Variants in PCNT observed in about 807,000 individuals in gnomAD.
PCNT encodes the protein pericentrin, also known as kendrin.
A neutral mutation model predicts 380.4 loss-of-function variants in PCNT; 319 were observed. That is an observed-to-expected ratio of 0.84 (90% confidence interval 0.77 to 0.92). PCNT has a LOEUF of 0.92. Among genes scored for constraint, PCNT ranks in the 40% least tolerant of loss-of-function variants. The pLI, the probability that PCNT is intolerant of heterozygous loss-of-function variation, is 0.00. For missense variants in PCNT, 4,400 were observed against 4,255.3 expected (o/e 1.03, Z -0.95); for synonymous variants, 1,845 against 1,735.2 (o/e 1.06, Z -1.57).
intron 30 of PCNT, among the ~76,000 whole-genome samples, chr21:46,417,208 T>TG: frequency 8.0e-6 from 1 of 125,746 alleles, no homozygotes; most frequent in Non-Finnish European, 1.6e-5. Context: ...TTTTTTTTTT[T>TG]TGTGAGATGG....
chr21:46,365,030 G>C (rs2084850165), intron 14 of PCNT, among the ~76,000 whole-genome samples: 1 of 152,254 alleles, frequency 6.6e-6, no homozygotes, highest in African/African-American at 2.4e-5. Context: ...GATGGGAGCA[G>C]GTCCTTCTGT....
At chr21:46,418,352 C>T in intron 31 of PCNT, 46 bp downstream of exon 31, 1 of 1,131,002 alleles carries the variant, frequency 8.8e-7, no homozygotes, top group South Asian at 1.3e-5. Context: ...TCAGTGGTTT[C>T]CTAGCACAGA....
At position 46,413,479 on chromosome 21, in the gene PCNT, G is replaced by A. The variant is rs1261612373; in HGVS notation, c.6150+487G>A. 2.6e-5 allele frequency among the ~76,000 whole-genome samples: 4 copies of A among 152,234 alleles called. No individual in the cohort carries two copies. In the East Asian group the frequency reaches 5.8e-4, roughly 22 times the overall value. ...GCACAGTCCGTGCCTGCAGTGACATGTTCTCTGAATCCTTTCTGTTCTGTA... is the reference window on the plus strand; with the variant it reads ...GCACAGTCCGTGCCTGCAGTGACATATTCTCTGAATCCTTTCTGTTCTGTA... On this transcript the variant is annotated intron_variant, in intron 29 of 46. Transcript: ENST00000359568.
At chr21:46,334,863 C>A in intron 3 of PCNT, 95 bp downstream of exon 3, 1 of 1,570,484 alleles carries the variant, frequency 6.4e-7, no homozygotes, top group East Asian at 2.3e-5. Flanking sequence ...TCCATCTCTG[C>A]AGGGCCTCTC....
Position 46,401,669 on chromosome 21 carries a change from C to T in PCNT, c.4910C>T (p.Pro1637Leu), listed in dbSNP as rs34849154. The T allele has an allele frequency of 1.2e-3, 2,014 of 1,613,926 alleles. 30 individuals are homozygous for T. In the African/African-American group the frequency reaches 0.024, roughly 19 times the overall value. ...CCTTCGGGCAGCCCTCCTGAGGGTC[C>T]AGAAATACAGTTAGAGGTGACACAG... ...EPPSGSPPEG[P>L]EIQLEVTQRA... Residue 1637 changes from proline (P) to leucine (L), a missense_variant, in exon 26 of 47, where the codon CCA (proline) becomes CTA (leucine). By Grantham distance (98) the Pro-to-Leu change is moderately conservative (BLOSUM62 -3). Transcript: ENST00000359568.
rs1388963712 is a variant in PCNT at position 46,384,220 on chromosome 21, G to A, written c.3313-1612G>A. 2.0e-4 allele frequency among the ~76,000 whole-genome samples: 17 copies of A among 85,948 alleles called. 1 individual carries two copies. The East Asian group carries it at 2.1e-3, about 11-fold the overall frequency. 56.4% of individuals were successfully genotyped at this position (85,948 alleles called of 152,430 possible). ...CGTTCAGTGGCAGAAGCGCATTCAC[G>A]GTGTTGTGCGTTCAGTGGCGGAAGC... On this transcript the variant is annotated intron_variant, in intron 16 of 46. Transcript: ENST00000359568.
In PCNT at chr21:46,411,824, C is replaced by G. The variant is rs777375146; in HGVS notation, c.5751C>G (p.Pro1917=). 6.4e-7 allele frequency: 1 copy of G among 1,573,684 alleles called. No individual in the cohort carries two copies. ...CCCTGGCAGCCGGGGCGGCGCCTCC[C>G]GAGCTGCAGTGGCTCCGAGCGCAGT... ...QQPLAAGAAP[P]ELQWLRAQCA... The change falls in exon 28 of 47, where the codon CCC becomes CCG. Residue 1917 remains proline (P), a synonymous_variant. Transcript: ENST00000359568.
At chr21:46,345,997 C>T (rs555930240) in intron 3 of PCNT, 131 bp from the exon 4 acceptor site, 42 of 839,892 alleles carry the variant, frequency 5.0e-5, no homozygotes, top group African/African-American at 4.7e-4. Flanking sequence ...ACCTTCTGGC[C>T]GTTGCGAGTG....
At chr21:46,378,163 C>A (rs1423914378) in intron 15 of PCNT, among the ~76,000 whole-genome samples, 4 of 151,854 alleles carry the variant, frequency 2.6e-5, no homozygotes, top group Admixed American at 2.0e-4. Context: ...CGCCCCTTAC[C>A]CACAGGGGAT....
Position 46,421,952 on chromosome 21 carries a change from A to G in PCNT, c.7025-18A>G, listed in dbSNP as rs1212391080. On this transcript the variant is annotated intron_variant, in intron 31 of 46. Coordinates refer to ENST00000359568, the MANE Select transcript of PCNT (RefSeq NM_006031.6). ...CTGGAGAGCTGTGGGTGGGACCCTGACCCTGTGGTGTTTTTAGGTGACGGC... is the reference window on the plus strand; with the variant it reads ...CTGGAGAGCTGTGGGTGGGACCCTGGCCCTGTGGTGTTTTTAGGTGACGGC... 1 of 1,613,576 alleles carries G rather than the reference A, an allele frequency of 6.2e-7. No individual in the cohort carries two copies. The highest frequency in any genetic ancestry group is 8.5e-7 in the Non-Finnish European group (1 of 1,179,614).
intron 4 of PCNT, 80 bp downstream of exon 4, chr21:46,346,288 T>TGGGGGGG: frequency 3.7e-6 from 2 of 540,914 alleles, no homozygotes; most frequent in Non-Finnish European, 7.2e-6. Context: ...CGGGTGGGGG[T>TGGGGGGG]GGGGTGGGCG....
At chr21:46,419,864 C>A (rs1290923323) in intron 31 of PCNT, among the ~76,000 whole-genome samples, 1 of 152,234 alleles carries the variant, frequency 6.6e-6, no homozygotes, top group Non-Finnish European at 1.5e-5. Context: ...CCTTAGCCTC[C>A]CAAAGTGCTG....
chr21:46,396,222 C>T (rs1410323596), intron 21 of PCNT, among the ~76,000 whole-genome samples: 1 of 152,220 alleles, frequency 6.6e-6, no homozygotes, highest in African/African-American at 2.4e-5. Context: ...GGTTTTGCTG[C>T]TGGAAGAGAA....
intron 24 of PCNT, among the ~76,000 whole-genome samples, chr21:46,398,820 CTTT>C (rs11331073): frequency 2.0e-4 from 23 of 114,540 alleles, no homozygotes; most frequent in Admixed American, 2.9e-4. Context: ...TTTTCTTTTT[CTTT>C]TTTTTTTTTT....
intron 38 of PCNT, among the ~76,000 whole-genome samples, chr21:46,433,332 G>A (rs1006572900): frequency 2.6e-5 from 4 of 152,356 alleles, no homozygotes; most frequent in East Asian, 1.9e-4. Context: ...GCAGTGAGCC[G>A]GGATTGCACC....
At chr21:46,392,763 C>G (rs2086076792) in intron 21 of PCNT, among the ~76,000 whole-genome samples, 1 of 152,220 alleles carries the variant, frequency 6.6e-6, no homozygotes, top group Non-Finnish European at 1.5e-5. Flanking sequence ...TGTGCCCACA[C>G]TTTGTCCTCT....
Position 46,411,631 on chromosome 21 carries a change from C to CCT in PCNT, c.5560_5561dup (p.Arg1855ProfsTer10). The CCT allele has an allele frequency of 6.2e-7, 1 of 1,613,068 alleles. No homozygotes were observed. Among genetic ancestry groups the CCT allele is most frequent in the Non-Finnish European group, 8.5e-7 (1 of 1,179,868 alleles). On this transcript the variant is annotated frameshift_variant, in exon 28 of 47. Transcript: ENST00000359568. LOFTEE classifies it high-confidence loss of function. ...AGGGAGGCTGAGGTCGAAGACATGGCCTCCCGGATCCAGGAGTTCGAAGCG... is the reference window on the plus strand; with the variant it reads ...AGGGAGGCTGAGGTCGAAGACATGGCCTCTCCCGGATCCAGGAGTTCGAAGCG...
intron 11 of PCNT, 98 bp downstream of exon 11, chr21:46,354,166 A>C: frequency 9.0e-7 from 1 of 1,114,624 alleles, no homozygotes; most frequent in Non-Finnish European, 1.3e-6. Context: ...CGTCCTTCCC[A>C]CCTTGTCCAG....
At chr21:46,423,229 G>A (rs1206827145) in intron 32 of PCNT, among the ~76,000 whole-genome samples, 1 of 145,912 alleles carries the variant, frequency 6.9e-6, no homozygotes, top group Non-Finnish European at 1.5e-5. Flanking sequence ...GTGAGACAGA[G>A]TCTCACTCTG....
Sources: gnomAD v4.1 joint callset for allele counts (sites outside exome capture counted in the v4.1 genomes callset) on GRCh38, gnomAD v4.1.1 for gene constraint, MANE v1.5 for transcripts, NCBI Gene and HGNC (gene_info 2026-07-23, HGNC 2026-07-21) for gene names.